KCNJ2: variants seen among roughly 807,000 people sequenced by gnomAD.
The protein encoded by KCNJ2 is potassium inwardly rectifying channel subfamily J member 2.
Under a neutral mutation model 28.4 loss-of-function variants are expected in KCNJ2, and 12 were observed. That is an observed-to-expected ratio of 0.42 (90% CI 0.27 to 0.68). The LOEUF (loss-of-function observed/expected upper bound fraction) is 0.68. Among genes scored for constraint, KCNJ2 ranks in the 30% least tolerant of loss-of-function variants. The pLI is 0.23. For synonymous variants in KCNJ2, 200 were observed against 203.2 expected (o/e 0.98, Z 0.13); for missense variants, 320 against 551.3 (o/e 0.58, Z 4.20).
Position 70,175,901 on chromosome 17 carries a change from G to C in KCNJ2, c.862G>C (p.Asp288His). Reference protein sequence around the residue: ...PLYDLSKQDIDNADFEIVVIL... With the variant: ...PLYDLSKQDIHNADFEIVVIL... ...ATATGATTTGAGTAAACAGGACATT[G>C]ACAACGCAGACTTTGAAATCGTGGT... Residue 288 changes from aspartate to histidine, a missense_variant, in exon 2 of 2, where the codon GAC (aspartate) becomes CAC (histidine). Asp to His is a moderately conservative substitution (Grantham distance 81). Around this residue, in one of 3 missense-constraint regions of KCNJ2, gnomAD observed 155 missense variants for 231.6 expected, o/e 0.67. Transcript: ENST00000243457. The surrounding 1 kb of genome is among the most constrained non-coding windows in gnomAD (Gnocchi z 8.3). 1.2e-6 allele frequency: 2 copies of C among 1,614,140 alleles called. No individual in the cohort carries two copies. Among genetic ancestry groups the C allele is most frequent in the Non-Finnish European group, 1.7e-6 (2 of 1,180,034 alleles).
In KCNJ2 at chr17:70,175,918, A is replaced by T; in HGVS notation, c.879A>T (p.Glu293Asp). 1.2e-6 allele frequency: 2 copies of T among 1,614,138 alleles called. No homozygotes were observed. Among genetic ancestry groups the T allele is most frequent in the Non-Finnish European group, 1.7e-6 (2 of 1,180,038 alleles). Residue 293 changes from glutamate (E) to aspartate (D), a missense_variant, in exon 2 of 2, where the codon GAA becomes GAT. Around this residue, in one of 3 missense-constraint regions of KCNJ2, gnomAD observed 155 missense variants for 231.6 expected, o/e 0.67. Transcript: ENST00000243457. The surrounding 1 kb of genome is among the most constrained non-coding windows in gnomAD (Gnocchi z 8.3). ...SKQDIDNADF[E>D]IVVILEGMVE... Reference sequence around the variant, plus strand: ...AGGACATTGACAACGCAGACTTTGAAATCGTGGTCATACTGGAAGGCATGG... The same window carrying T: ...AGGACATTGACAACGCAGACTTTGATATCGTGGTCATACTGGAAGGCATGG...
In KCNJ2 at chr17:70,176,239, G is replaced by A. The variant is rs201253055; in HGVS notation, c.1200G>A (p.Thr400=). The A allele has an allele frequency of 1.2e-4, 193 of 1,614,068 alleles. No individual in the cohort carries two copies. Among genetic ancestry groups the A allele is most frequent in the African/African-American group, 1.1e-3 (79 of 75,016 alleles). ...ATGGAGTTCCAGAAAGCACTAGTACGGACACGCCCCCTGACATAGACCTTC... is the reference window on the plus strand; with the variant it reads ...ATGGAGTTCCAGAAAGCACTAGTACAGACACGCCCCCTGACATAGACCTTC... ...SENGVPESTS[T]DTPPDIDLHN... Residue 400 remains threonine, a synonymous_variant, in exon 2 of 2, where the codon ACG becomes ACA. Coordinates refer to ENST00000243457, the MANE Select transcript of KCNJ2 (RefSeq NM_000891.3).
In KCNJ2 at chr17:70,175,045, C is replaced by T. The variant is rs1452371663; in HGVS notation, c.6C>T (p.Gly2=). Reference sequence around the variant, plus strand: ...TGGAGTCCCCAGCAGAAGCGATGGGCAGTGTGCGAACCAACCGCTACAGCA... The same window carrying T: ...TGGAGTCCCCAGCAGAAGCGATGGGTAGTGTGCGAACCAACCGCTACAGCA... The part of the protein sequence containing the change: M[G]SVRTNRYSIV... Residue 2 remains glycine (G), a synonymous_variant, in exon 2 of 2, where the codon GGC becomes GGT. Coordinates refer to ENST00000243457, the MANE Select transcript of KCNJ2 (RefSeq NM_000891.3). This position sits in a 1 kb window ranked among gnomAD's most constrained non-coding sequence, Gnocchi z 8.3. 1.9e-6 allele frequency: 3 copies of T among 1,613,936 alleles called. No individual in the cohort carries two copies. The African/African-American group carries it at 4.0e-5, about 22-fold the overall frequency.
chr17:70,174,956 C>T lies in KCNJ2; in HGVS notation c.-84C>T. On this transcript the variant is annotated 5_prime_UTR_variant, in exon 2 of 2. Coordinates refer to ENST00000243457, the MANE Select transcript of KCNJ2 (RefSeq NM_000891.3). ...TTTTGGTGTGTGTGTCTTCACCGAA[C>T]ATTCAAAACTGTTTCTCCAAAGCGT... 2.2e-6 allele frequency: 3 copies of T among 1,349,540 alleles called. No individual in the cohort carries two copies. Among genetic ancestry groups the T allele is most frequent in the Non-Finnish European group, 3.1e-6 (3 of 957,958 alleles). 83.6% of individuals were successfully genotyped at this position (1,349,540 alleles called of 1,614,324 possible). A position where few individuals can be genotyped will look rare whatever the true frequency, so the allele number is the denominator to read the frequency against.
At chr17:70,172,898 C>T (rs1481920415) in intron 1 of KCNJ2, among the ~76,000 whole-genome samples, 10 of 152,146 alleles carry the variant, frequency 6.6e-5, no homozygotes, top group Non-Finnish European at 1.5e-4. Context: ...AAATGCTGTC[C>T]ATGTACAGGA....
intron 1 of KCNJ2, among the ~76,000 whole-genome samples, chr17:70,171,585 G>A (rs1331275208): frequency 1.3e-5 from 2 of 151,858 alleles, no homozygotes; most frequent in East Asian, 3.9e-4. Flanking sequence ...TATAGTCAAA[G>A]CAATTTAGAT....
In KCNJ2 at chr17:70,175,676, C is replaced by T. The variant is rs764523123; in HGVS notation, c.637C>T (p.Arg213Ter). The change falls in exon 2 of 2, where the codon CGA (arginine) becomes TGA (stop). Residue 213 changes from arginine to a stop codon, truncating the protein, a stop_gained. Coordinates refer to ENST00000243457, the MANE Select transcript of KCNJ2 (RefSeq NM_000891.3). LOFTEE classifies it high-confidence loss of function. The surrounding 1 kb of genome is among the most constrained non-coding windows in gnomAD (Gnocchi z 8.3). ...AGACGGCAAGCTGTGTTTGATGTGG[C>T]GAGTGGGCAATCTTCGGAAAAGCCA... ...MRDGKLCLMW[R>*]VGNLRKSHLV... 1.9e-6 allele frequency: 3 copies of T among 1,614,014 alleles called. No individual in the cohort carries two copies. Among genetic ancestry groups the T allele is most frequent in the East Asian group, 2.2e-5 (1 of 44,878 alleles).
chr17:70,175,526 T>G lies in KCNJ2; in HGVS notation c.487T>G (p.Phe163Val). ...ECPIAVFMVV[F>V]QSIVGCIIDA... ...CCCAATTGCTGTTTTCATGGTGGTG[T>G]TCCAGTCAATCGTGGGCTGCATCAT... Residue 163 changes from phenylalanine to valine, a missense_variant, in exon 2 of 2, where the codon TTC becomes GTC. Transcript: ENST00000243457. The surrounding 1 kb of genome is among the most constrained non-coding windows in gnomAD (Gnocchi z 8.3). The G allele has an allele frequency of 6.2e-7, 1 of 1,614,212 alleles. No homozygotes were observed. The highest frequency in any genetic ancestry group is 1.3e-5 in the African/African-American group (1 of 75,054).
In KCNJ2 at chr17:70,178,330, A is replaced by C. The variant is rs963200333; in HGVS notation, c.*2007A>C. 1.2e-5 allele frequency: 2 copies of C among 167,000 alleles called. No homozygotes were observed. Among genetic ancestry groups the C allele is most frequent in the Non-Finnish European group, 1.5e-5 (1 of 68,114 alleles). 10.3% of individuals were successfully genotyped at this position (167,000 alleles called of 1,614,324 possible). On this transcript the variant is annotated 3_prime_UTR_variant, in exon 2 of 2. Transcript: ENST00000243457. ...TATTTTCAATGAAACAAAGAAAGAG[A>C]TGTTAAGCAAGTGGTTGTTTTAGAT...
In KCNJ2 at chr17:70,175,007, A is replaced by C; in HGVS notation, c.-33A>C. On this transcript the variant is annotated 5_prime_UTR_variant, in exon 2 of 2. Transcript: ENST00000243457. The surrounding 1 kb of genome is among the most constrained non-coding windows in gnomAD (Gnocchi z 8.3). ...TTTGCAAAAACTCAGACTGTTTTCC[A>C]AAGCAGAAGCACTGGAGTCCCCAGC... The C allele has an allele frequency of 6.2e-7, 1 of 1,611,782 alleles. No individual in the cohort carries two copies. Among genetic ancestry groups the C allele is most frequent in the Non-Finnish European group, 8.5e-7 (1 of 1,178,252 alleles).
intron 1 of KCNJ2, among the ~76,000 whole-genome samples, chr17:70,172,312 C>A (rs1239662665): frequency 2.8e-4 from 24 of 85,898 alleles, no homozygotes; most frequent in Non-Finnish European, 4.4e-4. Flanking sequence ...TTCTTTTTGC[C>A]AAAAAAAAAA....
At chr17:70,174,391 G>A (rs1421301191) in intron 1 of KCNJ2, among the ~76,000 whole-genome samples, 1 of 152,164 alleles carries the variant, frequency 6.6e-6, no homozygotes, top group Admixed American at 6.5e-5. Context: ...CTGCGTCCAC[G>A]TGAAGTTTTC....
At chr17:70,170,431 G>A (rs559947035) in intron 1 of KCNJ2, among the ~76,000 whole-genome samples, 9 of 151,916 alleles carry the variant, frequency 5.9e-5, no homozygotes, top group African/African-American at 2.2e-4. Flanking sequence ...TTGCATCATA[G>A]CGTGGATTCA....
At position 70,176,607 on chromosome 17, in the gene KCNJ2, G is replaced by A; in HGVS notation, c.*284G>A. ...TTCCAAAACTTGAACTTGCAGGCAA[G>A]CCTTGGTTGGGTATTTGATTTATCC... On this transcript the variant is annotated 3_prime_UTR_variant, in exon 2 of 2. Coordinates refer to ENST00000243457, the MANE Select transcript of KCNJ2 (RefSeq NM_000891.3). 2.1e-6 allele frequency: 1 copy of A among 485,498 alleles called. No homozygotes were observed. Among genetic ancestry groups the A allele is most frequent in the South Asian group, 2.2e-5 (1 of 46,068 alleles). The allele number at this position is 485,498 out of a possible 1,614,324, so 30.1% of individuals were successfully genotyped here.
chr17:70,171,549 A>G (rs963056449), intron 1 of KCNJ2, among the ~76,000 whole-genome samples: 7 of 151,832 alleles, frequency 4.6e-5, no homozygotes, highest in Non-Finnish European at 8.8e-5. Flanking sequence ...TTAGTTATTT[A>G]TAAGCCATAT....
rs1267069367 is a variant in KCNJ2 at position 70,179,267 on chromosome 17, T to G, written c.*2944T>G. 6.0e-6 allele frequency: 1 copy of G among 166,762 alleles called. No individual in the cohort carries two copies. The highest frequency in any genetic ancestry group is 6.6e-5 in the Admixed American group (1 of 15,254). 10.3% of individuals were successfully genotyped at this position (166,762 alleles called of 1,614,324 possible). ...GGGTTGATTCCCAGATGTGTGTTGC[T>G]TCTCTATTGCAAGCAGATTCCCTGT... On this transcript the variant is annotated 3_prime_UTR_variant, in exon 2 of 2. Transcript: ENST00000243457.
chr17:70,178,520 C>T lies in KCNJ2; in HGVS notation c.*2197C>T, dbSNP rs1392566112. ...ATGATGTTTTGCAAAGGAAAATAAT[C>T]AAACCAAAGAGTATTCAGTGATATG... On this transcript the variant is annotated 3_prime_UTR_variant, in exon 2 of 2. Transcript: ENST00000243457. 2 of 166,786 alleles carry T rather than the reference C, an allele frequency of 1.2e-5. No homozygotes were observed. The highest frequency in any genetic ancestry group is 6.6e-5 in the Admixed American group (1 of 15,230). The allele number at this position is 166,786 out of a possible 1,614,324, so 10.3% of individuals were successfully genotyped here.
rs2144381556 is a variant in KCNJ2 at position 70,178,843 on chromosome 17, C to A, written c.*2520C>A. The A allele has an allele frequency of 6.0e-6, 1 of 166,946 alleles. No individual in the cohort carries two copies. The highest frequency in any genetic ancestry group is 2.1e-4 in the South Asian group (1 of 4,820). The allele number at this position is 166,946 out of a possible 1,614,324, so 10.3% of individuals were successfully genotyped here. A position where few individuals can be genotyped will look rare whatever the true frequency, so the allele number is the denominator to read the frequency against. The stretch of plus-strand genomic sequence containing the variant: ...TTTAAAGCCAAATGTAAATAGAGGT[C>A]TGTAAAGAAAAATAATTGCCATAGA... On this transcript the variant is annotated 3_prime_UTR_variant, in exon 2 of 2. Coordinates refer to ENST00000243457, the MANE Select transcript of KCNJ2 (RefSeq NM_000891.3).
In KCNJ2 at chr17:70,176,426, C is replaced by T. The variant is rs2144378420; in HGVS notation, c.*103C>T. The T allele has an allele frequency of 9.9e-7, 1 of 1,009,360 alleles. No homozygotes were observed. The allele number at this position is 1,009,360 out of a possible 1,614,324, so 62.5% of individuals were successfully genotyped here. A position where few individuals can be genotyped will look rare whatever the true frequency, so the allele number is the denominator to read the frequency against. On this transcript the variant is annotated 3_prime_UTR_variant, in exon 2 of 2. Coordinates refer to ENST00000243457, the MANE Select transcript of KCNJ2 (RefSeq NM_000891.3). ...ACGGTACTGGTCAAGATGGGTCAAG[C>T]AAGCGGCCACAAGGGACTGAGGCAA...
Sources: gnomAD v4.1 joint callset for allele counts (sites outside exome capture counted in the v4.1 genomes callset) on GRCh38, gnomAD v4.1.1 for gene constraint, gnomAD v4.1.1 regional missense constraint, Gnocchi (gnomAD v3.1) non-coding constraint, MANE v1.5 for transcripts, NCBI Gene and HGNC (gene_info 2026-07-23, HGNC 2026-07-21) for gene names.